AFG1L: variants seen among roughly 807,000 people sequenced by gnomAD.
The protein encoded by AFG1L is AFG1-like ATPase.
AFG1L carries 53 observed loss-of-function variants against 62.2 expected under a neutral mutation model. The observed-to-expected ratio is 0.85, with a 90% CI of 0.68 to 1.07. The LOEUF (loss-of-function observed/expected upper bound fraction) is 1.07. AFG1L is among the 50% of genes least tolerant of loss of function. The pLI, the probability that AFG1L is intolerant of heterozygous loss-of-function variation, is 0.00. For missense variants in AFG1L, 555 were observed against 590.5 expected (o/e 0.94, Z 0.62); for synonymous variants, 228 against 210.3 (o/e 1.08, Z -0.73).
At chr6:108,458,473 T>C (rs1772332167) in intron 8 of AFG1L, among the ~76,000 whole-genome samples, 1 of 152,140 alleles carries the variant, frequency 6.6e-6, no homozygotes, top group Admixed American at 6.5e-5. Context: ...AACTTGGGTT[T>C]CTTTCCCTTT....
intron 10 of AFG1L, among the ~76,000 whole-genome samples, chr6:108,506,571 T>C (rs892630425): frequency 1.3e-5 from 2 of 151,734 alleles, no homozygotes; most frequent in Non-Finnish European, 2.9e-5. Context: ...GTAAATGCTA[T>C]GTAAATAGTT....
chr6:108,469,182 A>G (rs543570709), intron 8 of AFG1L, among the ~76,000 whole-genome samples: 17 of 152,076 alleles, frequency 1.1e-4, no homozygotes, highest in African/African-American at 4.1e-4. Context: ...CATGTTTTTC[A>G]CTGGAGATCT....
At chr6:108,314,046 C>T (rs1050772764) in intron 1 of AFG1L, among the ~76,000 whole-genome samples, 2 of 151,924 alleles carry the variant, frequency 1.3e-5, no homozygotes, top group Non-Finnish European at 2.9e-5. Context: ...CAGACCATGG[C>T]CAACATGACC....
chr6:108,500,167 CGTGCGTGTGT>C (rs989808356), intron 10 of AFG1L, among the ~76,000 whole-genome samples: 6 of 73,028 alleles, frequency 8.2e-5, no homozygotes, highest in Admixed American at 2.8e-4. Context: ...TTCCATGGTG[CGTGCGTGTGT>C]GTGTGTGTGT....
At chr6:108,323,073 T>TA (rs1777876354) in intron 1 of AFG1L, among the ~76,000 whole-genome samples, 1 of 152,214 alleles carries the variant, frequency 6.6e-6, no homozygotes, top group Non-Finnish European at 1.5e-5. Flanking sequence ...AATATCTGAA[T>TA]GTTATGTTGT....
chr6:108,384,703 A>AGTG (rs1780689706), intron 6 of AFG1L, among the ~76,000 whole-genome samples: 1 of 152,192 alleles, frequency 6.6e-6, no homozygotes, highest in Non-Finnish European at 1.5e-5. Flanking sequence ...TGAGGTAAAG[A>AGTG]AAATATGTTC....
chr6:108,462,019 T>A (rs1337921170), intron 8 of AFG1L, among the ~76,000 whole-genome samples: 1 of 151,772 alleles, frequency 6.6e-6, no homozygotes, highest in Non-Finnish European at 1.5e-5. Context: ...GGCGTGAACC[T>A]GGGAGGTGGA....
chr6:108,386,133 A>G (rs111694607), intron 6 of AFG1L, among the ~76,000 whole-genome samples: 25 of 152,270 alleles, frequency 1.6e-4, no homozygotes, highest in African/African-American at 5.3e-4. Flanking sequence ...AAATAAAAGA[A>G]TGAAGGCAAA....
chr6:108,313,455 C>T (rs1777484734), intron 1 of AFG1L, among the ~76,000 whole-genome samples: 2 of 152,192 alleles, frequency 1.3e-5, no homozygotes, highest in Non-Finnish European at 2.9e-5. Context: ...ACAATTGCTA[C>T]TGTTAGTAAC....
At chr6:108,311,694 T>C (rs564479897) in intron 1 of AFG1L, among the ~76,000 whole-genome samples, 1 of 152,074 alleles carries the variant, frequency 6.6e-6, no homozygotes, top group African/African-American at 2.4e-5. Context: ...ACAGCATCCA[T>C]CCAGCTCGCC....
chr6:108,477,077 T>C, intron 9 of AFG1L, 115 bp from the exon 10 acceptor site: 1 of 1,014,552 alleles, frequency 9.9e-7, no homozygotes, highest in Non-Finnish European at 1.5e-6. Flanking sequence ...TTTTGTCTAA[T>C]TTATGTGTTG....
chr6:108,494,692 C>G (rs779465712), intron 10 of AFG1L, among the ~76,000 whole-genome samples: 1 of 152,044 alleles, frequency 6.6e-6, no homozygotes, highest in South Asian at 2.1e-4. Flanking sequence ...TATTGAGGTG[C>G]CATATGAATC....
At chr6:108,411,812 G>T (rs1408416947) in intron 7 of AFG1L, among the ~76,000 whole-genome samples, 1 of 152,204 alleles carries the variant, frequency 6.6e-6, no homozygotes, top group African/African-American at 2.4e-5. Flanking sequence ...GGAGAAACCA[G>T]AGCAGAGAAG....
intron 1 of AFG1L, among the ~76,000 whole-genome samples, chr6:108,307,516 T>C (rs2114831289): frequency 6.6e-6 from 1 of 151,454 alleles, no homozygotes; most frequent in East Asian, 1.9e-4. Context: ...GTCCAAGTAA[T>C]CCTCCCAGCT....
intron 11 of AFG1L, among the ~76,000 whole-genome samples, chr6:108,515,909 G>T (rs1317743895): frequency 2.6e-5 from 4 of 152,172 alleles, no homozygotes. Context: ...AGAAGAAATG[G>T]ATAAGTTCCT....
At chr6:108,390,176 T>C (rs994500784) in intron 6 of AFG1L, among the ~76,000 whole-genome samples, 2 of 152,246 alleles carry the variant, frequency 1.3e-5, no homozygotes, top group Non-Finnish European at 2.9e-5. Context: ...CTGAAGCTTG[T>C]GCATTCATCA....
At chr6:108,503,234 G>A (rs181217166) in intron 10 of AFG1L, among the ~76,000 whole-genome samples, 28 of 152,206 alleles carry the variant, frequency 1.8e-4, no homozygotes, top group African/African-American at 5.5e-4. Context: ...AATCATTTCC[G>A]GAAAGTTTTC....
At position 108,450,172 on chromosome 6, in the gene AFG1L, G is replaced by A. The variant is rs185503033; in HGVS notation, c.890+2876G>A. ...TCTAGTTCTAGATCCCTGAGGAGTCGCCACACTGACTTCCACAATGGTTGA... is the reference window on the plus strand; with the variant it reads ...TCTAGTTCTAGATCCCTGAGGAGTCACCACACTGACTTCCACAATGGTTGA... On this transcript the variant is annotated intron_variant, in intron 8 of 12. Coordinates refer to ENST00000368977, the MANE Select transcript of AFG1L (RefSeq NM_145315.5). 3.4e-4 allele frequency among the ~76,000 whole-genome samples: 52 copies of A among 152,278 alleles called. 1 individual carries two copies. Among genetic ancestry groups the A allele is most frequent in the African/African-American group, 1.1e-3 (47 of 41,546 alleles).
intron 1 of AFG1L, among the ~76,000 whole-genome samples, chr6:108,301,678 C>T (rs1164983601): frequency 1.3e-5 from 2 of 152,186 alleles, no homozygotes; most frequent in African/African-American, 2.4e-5. Context: ...ATATATTCCA[C>T]AACAGTAAGG....
Sources: allele counts gnomAD v4.1 joint callset (sites outside exome capture counted in the v4.1 genomes callset), GRCh38; gene constraint gnomAD v4.1.1; transcripts MANE v1.5; gene names NCBI Gene and HGNC (gene_info 2026-07-23, HGNC 2026-07-21).